The following ZNF302 variants were observed in gnomAD, a reference collection of about 807,000 sequenced individuals.
ZNF302 encodes the protein zinc finger protein 302, also known as zinc finger protein 327.
In ZNF302, 12 loss-of-function variants were observed where a neutral mutation model predicts 10.8. That is an observed-to-expected ratio of 1.11 (90% CI 0.71 to 1.79). ZNF302 has a LOEUF of 1.79. ZNF302 is among the 40% of genes most tolerant of loss of function. The pLI, the probability that ZNF302 is intolerant of heterozygous loss-of-function variation, is 0.00. For missense variants in ZNF302, 461 were observed against 471.1 expected, an observed-to-expected ratio of 0.98 and a Z score of 0.20; for synonymous variants, 178 against 157.5, an observed-to-expected ratio of 1.13 and a Z score of -0.98.
At chr19:34,684,208 AAAAAAAAAAAAAGGC>A in intron 4 of ZNF302, 29 bp from the exon 5 acceptor site, 1 of 443,038 alleles carries the variant, frequency 2.3e-6, no homozygotes, top group Non-Finnish European at 3.6e-6. Context: ...AAAAAAAAAA[AAAAAAAAAAAAAGGC>A]AGTGCTTTGC....
chr19:34,679,874 G>A, intron 2 of ZNF302: 1 of 703,032 alleles, frequency 1.4e-6, no homozygotes, highest in South Asian at 1.5e-5. Context: ...TGCTTAGTAA[G>A]TAATTGTGGA....
chr19:34,684,304 T>C lies in ZNF302; in HGVS notation c.267T>C (p.Tyr89=), dbSNP rs2068532223. The change falls in exon 5 of 5, where the codon TAT becomes TAC. Residue 89 remains tyrosine, a synonymous_variant. Transcript: ENST00000505242. ...AATTATCAACAAAGAAGGATATTTA[T>C]GATGAAGATTCACCCCAACCAGTAA... ...NKELSTKKDI[Y]DEDSPQPVTM... The C allele has an allele frequency of 6.3e-7, 1 of 1,576,744 alleles. No individual in the cohort carries two copies. Among genetic ancestry groups the C allele is most frequent in the Non-Finnish European group, 8.6e-7 (1 of 1,167,808 alleles).
intron 4 of ZNF302, chr19:34,684,004 C>T: frequency 6.8e-7 from 1 of 1,469,482 alleles, no homozygotes; most frequent in East Asian, 2.5e-5. Flanking sequence ...TACCCATTTC[C>T]TTTATCACAC....
At chr19:34,680,370 A>T (rs2068277718) in intron 2 of ZNF302, among the ~76,000 whole-genome samples, 1 of 152,220 alleles carries the variant, frequency 6.6e-6, no homozygotes. Context: ...AGTGCTGTGC[A>T]TGTGTACTGA....
Position 34,678,720 on chromosome 19 carries a change from C to A in ZNF302, c.-68-17C>A. 1 of 1,532,444 alleles carries A rather than the reference C, an allele frequency of 6.5e-7. No individual in the cohort carries two copies. The highest frequency in any genetic ancestry group is 9.0e-7 in the Non-Finnish European group (1 of 1,112,506). 94.9% of individuals were successfully genotyped at this position (1,532,444 alleles called of 1,614,324 possible). A position where few individuals can be genotyped will look rare whatever the true frequency, so the allele number is the denominator to read the frequency against. ...GATTTTTCATGACTGCTTTTTCCTG[C>A]CTTTCTGTGCCCTCAGGACACTGCC... On this transcript the variant is annotated splice_polypyrimidine_tract_variant and intron_variant, in intron 1 of 4. Coordinates refer to ENST00000505242, the MANE Select transcript of ZNF302 (RefSeq NM_001289187.2).
chr19:34,678,246 T>C (rs916124870), intron 1 of ZNF302, 143 bp downstream of exon 1: 2 of 152,610 alleles, frequency 1.3e-5, no homozygotes, highest in African/African-American at 4.8e-5. Context: ...CTAACGAACA[T>C]GGCGAAACGC....
In ZNF302 at chr19:34,677,934, A is replaced by G. The variant is rs1316125582; in HGVS notation, c.-238A>G. ...TTTGACCACGGCCGGGGCCTTGGGC[A>G]TTTCCTGGCCTTCCTGTTGAGCCGT... On this transcript the variant is annotated 5_prime_UTR_variant, in exon 1 of 5. Coordinates refer to ENST00000505242, the MANE Select transcript of ZNF302 (RefSeq NM_001289187.2). The G allele has an allele frequency of 6.6e-6, 1 of 152,240 alleles. No homozygotes were observed. Among genetic ancestry groups the G allele is most frequent in the African/African-American group, 2.4e-5 (1 of 41,446 alleles). 9.4% of individuals were successfully genotyped at this position (152,240 alleles called of 1,614,324 possible).
chr19:34,684,777 A>C lies in ZNF302; in HGVS notation c.740A>C (p.His247Pro). 1 of 1,614,056 alleles carries C rather than the reference A, an allele frequency of 6.2e-7. No homozygotes were observed. The highest frequency in any genetic ancestry group is 8.5e-7 in the Non-Finnish European group (1 of 1,179,900). Reference sequence around the variant, plus strand: ...AGCCATGGTTCATCCCTTACACGACATCAGATAAGCCATAGTGGAGAGAAA... The same window carrying C: ...AGCCATGGTTCATCCCTTACACGACCTCAGATAAGCCATAGTGGAGAGAAA... Reference protein sequence around the residue: ...TFSHGSSLTRHQISHSGEKPY... With the variant: ...TFSHGSSLTRPQISHSGEKPY... Residue 247 changes from histidine to proline, a missense_variant, in exon 5 of 5, where the codon CAT becomes CCT. Transcript: ENST00000505242.
At chr19:34,683,912 G>T in intron 4 of ZNF302, 1 of 1,164,704 alleles carries the variant, frequency 8.6e-7, no homozygotes, top group Non-Finnish European at 1.1e-6. Context: ...ACAAAATGAT[G>T]ATTTGTAATC....
chr19:34,683,592 T>G (rs767926378), intron 4 of ZNF302, among the ~76,000 whole-genome samples: 26 of 152,228 alleles, frequency 1.7e-4, no homozygotes, highest in Admixed American at 9.8e-4. Flanking sequence ...AAAATCACTT[T>G]TCTAAAGCTG....
Position 34,684,353 on chromosome 19 carries a change from A to AGTTAT in ZNF302, c.318_322dup (p.Glu108ValfsTer47). 1 of 1,601,344 alleles carries AGTTAT rather than the reference A, an allele frequency of 6.2e-7. No individual in the cohort carries two copies. Among genetic ancestry groups the AGTTAT allele is most frequent in the Non-Finnish European group, 8.5e-7 (1 of 1,175,912 alleles). Reference sequence around the variant, plus strand: ...AACAATGGAAAAAGTTGTAAAACAAAGTTATGAATTTTCAAATTCTAATAA... The same window carrying AGTTAT: ...AACAATGGAAAAAGTTGTAAAACAAAGTTATGTTATGAATTTTCAAATTCTAATAA... On this transcript the variant is annotated frameshift_variant, in exon 5 of 5. Transcript: ENST00000505242. LOFTEE classifies it low-confidence loss of function (END_TRUNC).
intron 2 of ZNF302, chr19:34,681,694 G>A (rs2068354879): frequency 6.6e-6 from 1 of 152,232 alleles, no homozygotes; most frequent in Non-Finnish European, 1.5e-5. Context: ...TGGAGCTCGG[G>A]TGATAATGCT....
In ZNF302 at chr19:34,686,246, G is replaced by T. The variant is rs374271392; in HGVS notation, c.*1009G>T. The T allele has an allele frequency of 1.3e-5, 2 of 152,272 alleles. No individual in the cohort carries two copies. The highest frequency in any genetic ancestry group is 6.5e-5 in the Admixed American group (1 of 15,304). The allele number at this position is 152,272 out of a possible 1,614,324, so 9.4% of individuals were successfully genotyped here. A position where few individuals can be genotyped will look rare whatever the true frequency, so the allele number is the denominator to read the frequency against. ...TGCAGTTTCAGTTGAGTTCTACTTA[G>T]AAATTCTTTTTAGCTAGTGGGCATG... On this transcript the variant is annotated 3_prime_UTR_variant, in exon 5 of 5. Transcript: ENST00000505242.
In ZNF302 at chr19:34,684,936, T is replaced by G. The variant is rs2068581517; in HGVS notation, c.899T>G (p.Leu300Arg). The change falls in exon 5 of 5, where the codon CTC (leucine) becomes CGC (arginine). Residue 300 changes from leucine (L) to arginine (R), a missense_variant. Transcript: ENST00000505242. Reference sequence around the variant, plus strand: ...AAGTCTTTTAGTCGTGTGTCCCTTCTCATTCAGCATCTAAGAATTCATACG... The same window carrying G: ...AAGTCTTTTAGTCGTGTGTCCCTTCGCATTCAGCATCTAAGAATTCATACG... Reference protein sequence around the residue: ...CGKSFSRVSLLIQHLRIHTQE... With the variant: ...CGKSFSRVSLRIQHLRIHTQE... 6.2e-7 allele frequency: 1 copy of G among 1,613,886 alleles called. No individual in the cohort carries two copies. The highest frequency in any genetic ancestry group is 8.5e-7 in the Non-Finnish European group (1 of 1,179,912).
chr19:34,683,455 T>C (rs191497100), intron 4 of ZNF302, among the ~76,000 whole-genome samples: 13 of 152,314 alleles, frequency 8.5e-5, no homozygotes, highest in Non-Finnish European at 1.8e-4. Flanking sequence ...GTTAGAGGTT[T>C]TTGCCATCAT....
upstream of ZNF302, chr19:34,676,700 C>G (rs1387830983): frequency 1.3e-5 from 2 of 152,094 alleles, no homozygotes; most frequent in African/African-American, 4.8e-5. Flanking sequence ...CACTGCTTCA[C>G]GAAGATCATG....
chr19:34,684,990 G>A lies in ZNF302; in HGVS notation c.953G>A (p.Cys318Tyr), dbSNP rs1235684398. 6.2e-7 allele frequency: 1 copy of A among 1,614,042 alleles called. No homozygotes were observed. Among genetic ancestry groups the A allele is most frequent in the African/African-American group, 1.3e-5 (1 of 75,042 alleles). Reference protein sequence around the residue: ...TQEKRYECRICGKAFIHSSSL... With the variant: ...TQEKRYECRIYGKAFIHSSSL... ...GAAAAACGCTATGAGTGTCGTATAT[G>A]TGGAAAGGCCTTCATTCATAGTTCG... Residue 318 changes from cysteine to tyrosine, a missense_variant, in exon 5 of 5, where the codon TGT becomes TAT. Coordinates refer to ENST00000505242, the MANE Select transcript of ZNF302 (RefSeq NM_001289187.2).
Position 34,685,827 on chromosome 19 carries a change from G to C in ZNF302, c.*590G>C, listed in dbSNP as rs144123034. 6.1e-4 allele frequency: 225 copies of C among 367,902 alleles called. 1 individual carries two copies. Among genetic ancestry groups the C allele is most frequent in the African/African-American group, 4.1e-3 (200 of 49,258 alleles). The allele number at this position is 367,902 out of a possible 1,614,324, so 22.8% of individuals were successfully genotyped here. A position where few individuals can be genotyped will look rare whatever the true frequency, so the allele number is the denominator to read the frequency against. On this transcript the variant is annotated 3_prime_UTR_variant, in exon 5 of 5. Transcript: ENST00000505242. The stretch of plus-strand genomic sequence containing the variant: ...AATAAATGTGGGAAAGCCTTTGTCA[G>C]TATTAATCCCTTAATTGACCTAAGT...
rs548828935 is a variant in ZNF302, at chr19:34,684,699, G to A, written c.662G>A (p.Arg221Lys). Residue 221 changes from arginine to lysine, a missense_variant, in exon 5 of 5, where the codon AGA (arginine) becomes AAA (lysine). By Grantham distance (26) the Arg-to-Lys change is conservative (BLOSUM62 2). Transcript: ENST00000505242. The stretch of plus-strand genomic sequence containing the variant: ...CAGTCAATCCTCAGTCGCCACTGGA[G>A]AATTCATACAGGAGAGAAGCCCTAT... ...GKQSILSRHW[R>K]IHTGEKPYEC... 2.5e-6 allele frequency: 4 copies of A among 1,613,914 alleles called. No individual in the cohort carries two copies. The highest frequency in any genetic ancestry group is 3.4e-6 in the Non-Finnish European group (4 of 1,179,928).
Sources: gnomAD v4.1 joint callset for allele counts (sites outside exome capture counted in the v4.1 genomes callset) on GRCh38, gnomAD v4.1.1 for gene constraint, MANE v1.5 for transcripts, NCBI Gene and HGNC (gene_info 2026-07-23, HGNC 2026-07-21) for gene names.